SCGB3A2: variants seen among roughly 807,000 people sequenced by gnomAD.
The protein encoded by SCGB3A2 is secretoglobin family 3A member 2.
In SCGB3A2, 5 loss-of-function variants were observed where a neutral mutation model predicts 7.7. That is an observed-to-expected ratio of 0.65 (90% CI 0.34 to 1.36). The LOEUF (loss-of-function observed/expected upper bound fraction) is 1.36. Among genes scored for constraint, SCGB3A2 ranks in the 40% most tolerant of loss-of-function variants. SCGB3A2 has a pLI of 0.04. For synonymous variants in SCGB3A2, 44 were observed against 42.7 expected, an observed-to-expected ratio of 1.03 and a Z score of -0.12; for missense variants, 109 against 103.6, an observed-to-expected ratio of 1.05 and a Z score of -0.23.
chr5:147,878,924 C>G (rs1757302727), intron 1 of SCGB3A2, 66 bp downstream of exon 1: 2 of 1,149,186 alleles, frequency 1.7e-6, no homozygotes, highest in Non-Finnish European at 1.3e-6. Flanking sequence ...AAGAGCACAA[C>G]TAGTAAGCCT....
intron 1 of SCGB3A2, chr5:147,881,183 C>G: frequency 7.2e-6 from 3 of 418,484 alleles, no homozygotes; most frequent in Non-Finnish European, 8.5e-6. Context: ...CGGAGAGTGA[C>G]TATGGCCATT....
At chr5:147,881,739 T>C (rs1170942461) in intron 2 of SCGB3A2, 91 bp downstream of exon 2, 2 of 992,868 alleles carry the variant, frequency 2.0e-6, no homozygotes, top group African/African-American at 3.3e-5. Flanking sequence ...TAAATGTGCA[T>C]TTCCACTTTA....
Position 147,882,065 on chromosome 5 carries a change from G to A in SCGB3A2, c.*15G>A, listed in dbSNP as rs377101053. On this transcript the variant is annotated 3_prime_UTR_variant, in exon 3 of 3. Coordinates refer to ENST00000296694, the MANE Select transcript of SCGB3A2 (RefSeq NM_054023.5). Reference sequence around the variant, plus strand: ...ACTTGGTGTGACATCAAGATAAAGAGCGGAGGTGGATGGGGATGGAAGATG... The same window carrying A: ...ACTTGGTGTGACATCAAGATAAAGAACGGAGGTGGATGGGGATGGAAGATG... 5.8e-5 allele frequency: 94 copies of A among 1,613,480 alleles called. No homozygotes were observed. The highest frequency in any genetic ancestry group is 8.0e-5 in the African/African-American group (6 of 74,898).
At chr5:147,880,353 C>T (rs924226124) in intron 1 of SCGB3A2, among the ~76,000 whole-genome samples, 22 of 152,002 alleles carry the variant, frequency 1.4e-4, no homozygotes, top group Admixed American at 2.6e-4. Flanking sequence ...AAAAAAAATC[C>T]AAACTCCTTT....
At chr5:147,879,152 C>CG (rs2127117359) in intron 1 of SCGB3A2, among the ~76,000 whole-genome samples, 1 of 152,272 alleles carries the variant, frequency 6.6e-6, no homozygotes, top group Admixed American at 6.5e-5. Context: ...CCAACTTCCA[C>CG]GGAGGGTCAA....
In SCGB3A2 at chr5:147,881,978, C is replaced by T. The variant is rs115097773; in HGVS notation, c.259-49C>T. The T allele has an allele frequency of 1.2e-3, 1,912 of 1,593,344 alleles. 21 individuals carry two copies. In the African/African-American group the frequency reaches 0.018, roughly 15 times the overall value. The stretch of plus-strand genomic sequence containing the variant: ...GGAAGTGAATATGTTTTGAAACATG[C>T]GAATTACATGTAAGCTGCTCTAAAT... On this transcript the variant is annotated intron_variant, in intron 2 of 2. Coordinates refer to ENST00000296694, the MANE Select transcript of SCGB3A2 (RefSeq NM_054023.5).
At position 147,878,772 on chromosome 5, in the gene SCGB3A2, T is replaced by G; in HGVS notation, c.-32T>G. 1 of 1,594,734 alleles carries G rather than the reference T, an allele frequency of 6.3e-7. No homozygotes were observed. Among genetic ancestry groups the G allele is most frequent in the Non-Finnish European group, 8.6e-7 (1 of 1,162,568 alleles). On this transcript the variant is annotated 5_prime_UTR_variant, in exon 1 of 3. Coordinates refer to ENST00000296694, the MANE Select transcript of SCGB3A2 (RefSeq NM_054023.5). The stretch of plus-strand genomic sequence containing the variant: ...GATTTTGCTAGATTTTTCTGATTTT[T>G]AAACTCCTGAAAAATATCCCAGATA...
At chr5:147,879,511 A>C (rs557364182) in intron 1 of SCGB3A2, among the ~76,000 whole-genome samples, 1 of 152,228 alleles carries the variant, frequency 6.6e-6, no homozygotes, top group Non-Finnish European at 1.5e-5. Context: ...ACTACTGTAA[A>C]CGTACTGTGA....
chr5:147,881,841 CAT>C (rs769277081), intron 2 of SCGB3A2, among the ~76,000 whole-genome samples, 184 bp from the exon 3 acceptor site: 3 of 152,284 alleles, frequency 2.0e-5, no homozygotes, highest in South Asian at 2.1e-4. Context: ...ATGATAGTGA[CAT>C]GTGTTATAGT....
intron 1 of SCGB3A2, among the ~76,000 whole-genome samples, chr5:147,879,168 C>T (rs1757307594): frequency 6.6e-6 from 1 of 152,292 alleles, no homozygotes; most frequent in Non-Finnish European, 1.5e-5. Context: ...GTCAACAAAG[C>T]ACATTTCACT....
chr5:147,881,488 A>G lies in SCGB3A2; in HGVS notation c.98A>G (p.Lys33Arg). 1 of 1,614,014 alleles carries G rather than the reference A, an allele frequency of 6.2e-7. No individual in the cohort carries two copies. The highest frequency in any genetic ancestry group is 8.5e-7 in the Non-Finnish European group (1 of 1,179,930). Residue 33 changes from lysine (K) to arginine (R), a missense_variant, in exon 2 of 3, where the codon AAG (lysine) becomes AGG (arginine). Transcript: ENST00000296694. Reference protein sequence around the residue: ...LINKVPLPVDKLAPLPLDNIL... With the variant: ...LINKVPLPVDRLAPLPLDNIL... ...AACAAAGTGCCCCTTCCTGTTGACA[A>G]GTTGGCACCTTTACCTCTGGACAAC...
At position 147,878,776 on chromosome 5, in the gene SCGB3A2, C is replaced by T; in HGVS notation, c.-28C>T. The T allele has an allele frequency of 1.3e-6, 2 of 1,596,828 alleles. No homozygotes were observed. Among genetic ancestry groups the T allele is most frequent in the Non-Finnish European group, 1.7e-6 (2 of 1,165,046 alleles). ...TTGCTAGATTTTTCTGATTTTTAAA[C>T]TCCTGAAAAATATCCCAGATAACTG... On this transcript the variant is annotated 5_prime_UTR_variant, in exon 1 of 3. Transcript: ENST00000296694.
chr5:147,878,999 C>A, intron 1 of SCGB3A2, 141 bp downstream of exon 1: 2 of 645,226 alleles, frequency 3.1e-6, no homozygotes, highest in Admixed American at 2.5e-5. Flanking sequence ...TTTTAACTGA[C>A]ACATAATAAT....
intron 1 of SCGB3A2, among the ~76,000 whole-genome samples, chr5:147,879,359 G>A (rs1757310735): frequency 6.6e-6 from 1 of 152,186 alleles, no homozygotes; most frequent in Non-Finnish European, 1.5e-5. Context: ...TCCACTCAAT[G>A]GATATTTATT....
chr5:147,882,117 C>T lies in SCGB3A2; in HGVS notation c.*67C>T. ...TGCTCCTATCCTCCCTGCCTGAAAC[C>T]TGTTCTACCAATTATAGATCAAATG... On this transcript the variant is annotated 3_prime_UTR_variant, in exon 3 of 3. Transcript: ENST00000296694. 2.7e-6 allele frequency: 4 copies of T among 1,492,784 alleles called. No homozygotes were observed. The East Asian group carries it at 6.8e-5, about 25-fold the overall frequency. The allele number at this position is 1,492,784 out of a possible 1,614,324, so 92.5% of individuals were successfully genotyped here. A position where few individuals can be genotyped will look rare whatever the true frequency, so the allele number is the denominator to read the frequency against.
intron 1 of SCGB3A2, among the ~76,000 whole-genome samples, chr5:147,880,023 G>C (rs749724504): frequency 6.6e-5 from 10 of 152,002 alleles, no homozygotes; most frequent in Non-Finnish European, 1.5e-4. Context: ...AGGGACAATA[G>C]GTGATTGAAA....
chr5:147,881,701 A>T, intron 2 of SCGB3A2, 53 bp downstream of exon 2: 1 of 1,368,708 alleles, frequency 7.3e-7, no homozygotes, highest in South Asian at 1.2e-5. Context: ...ACTCACCCTG[A>T]ATGTCTAGCT....
At chr5:147,879,920 C>G (rs1757318503) in intron 1 of SCGB3A2, among the ~76,000 whole-genome samples, 1 of 152,124 alleles carries the variant, frequency 6.6e-6, no homozygotes, top group Non-Finnish European at 1.5e-5. Context: ...TTTCACTGTT[C>G]TCTAATGTCC....
chr5:147,878,858 GGTAA>G lies in SCGB3A2; in HGVS notation c.55+5_55+8del. ...GACCATCAGCCTTTGTAGTTACTCT[GGTAA>G]GTAACTGGAATACATCTGGAATATG... On this transcript the variant is annotated splice_donor_variant and splice_donor_region_variant and intron_variant, in intron 1 of 2. Coordinates refer to ENST00000296694, the MANE Select transcript of SCGB3A2 (RefSeq NM_054023.5). LOFTEE classifies it high-confidence loss of function. 6.3e-7 allele frequency: 1 copy of G among 1,596,900 alleles called. No individual in the cohort carries two copies. The highest frequency in any genetic ancestry group is 8.6e-7 in the Non-Finnish European group (1 of 1,164,472).
Sources: gnomAD v4.1 joint callset for allele counts (sites outside exome capture counted in the v4.1 genomes callset) on GRCh38, gnomAD v4.1.1 for gene constraint, MANE v1.5 for transcripts, NCBI Gene and HGNC (gene_info 2026-07-23, HGNC 2026-07-21) for gene names.